Variants in SYTL5 observed in about 807,000 individuals in gnomAD.
The protein encoded by SYTL5 is synaptotagmin like 5.
Under a neutral mutation model 55.9 loss-of-function variants are expected in SYTL5, and 34 were observed. That is an observed-to-expected ratio of 0.61 (90% confidence interval 0.46 to 0.81). SYTL5 has a LOEUF of 0.81. SYTL5 is among the 30% of genes least tolerant of loss of function. The pLI, the probability that SYTL5 is intolerant of heterozygous loss-of-function variation, is 0.00. For missense variants in SYTL5, 637 were observed against 546.7 expected (o/e 1.17, Z -1.65); for synonymous variants, 221 against 188.7 (o/e 1.17, Z -1.40).
chrX:38,043,543 A>G (rs925325064), intron 2 of SYTL5, among the ~76,000 whole-genome samples: 21 of 104,487 alleles, frequency 2.0e-4, no homozygotes, highest in Non-Finnish European at 3.5e-4. Context: ...TTATTATAGA[A>G]AATTAGATAA....
chrX:38,014,180 A>AAC (rs761041786), intron 1 of SYTL5, among the ~76,000 whole-genome samples: 20 of 112,543 alleles, frequency 1.8e-4, no homozygotes, highest in Non-Finnish European at 3.0e-4. Flanking sequence ...TACAAAATTA[A>AAC]ACACACACAC....
At chrX:38,103,195 G>A (rs752414808) in intron 10 of SYTL5, 40 of 555,961 alleles carry the variant, frequency 7.2e-5, no homozygotes, top group African/African-American at 6.1e-4. Flanking sequence ...ATCTTTTTCC[G>A]ACTTATATAC....
chrX:38,056,180 A>AT (rs1935775420), intron 3 of SYTL5, among the ~76,000 whole-genome samples: 1 of 111,537 alleles, frequency 9.0e-6, no homozygotes, highest in African/African-American at 3.3e-5. Context: ...AATTGTTTTA[A>AT]TTTTTAGCTC....
the SYTL5 span, among the ~76,000 whole-genome samples, chrX:37,954,555 T>C: frequency 8.9e-6 from 1 of 112,102 alleles, no homozygotes; most frequent in Admixed American, 9.5e-5. Flanking sequence ...CATTCTGACA[T>C]GGTAATGGTA....
At position 38,072,121 on chromosome X, in the gene SYTL5, G is replaced by T. The variant is rs1240801316; in HGVS notation, c.404G>T (p.Gly135Val). 2 of 1,208,633 alleles carry T rather than the reference G, an allele frequency of 1.7e-6. No individual in the cohort carries two copies. Among genetic ancestry groups the T allele is most frequent in the African/African-American group, 1.7e-5 (1 of 57,150 alleles). ...AKRFKQVNVL[G>V]TDVVRQSILR... is the part of the protein sequence containing the mutation. ...CGTTTCAAGCAAGTCAATGTTCTCG[G>T]CACTGATGTTGTCCGACAGTCCATT... Residue 135 changes from glycine to valine, a missense_variant, in exon 4 of 17, where the codon GGC becomes GTC. Gly to Val is a moderately radical substitution (Grantham distance 109). Coordinates refer to ENST00000297875, the MANE Select transcript of SYTL5 (RefSeq NM_138780.3).
chrX:38,018,298 G>A (rs952453239), intron 1 of SYTL5, among the ~76,000 whole-genome samples: 1 of 111,531 alleles, frequency 9.0e-6, no homozygotes, highest in Non-Finnish European at 1.9e-5. Context: ...TGCTTCTCAT[G>A]ATTCTATCTT....
At chrX:38,036,161 C>T (rs762880008) in intron 2 of SYTL5, among the ~76,000 whole-genome samples, 4 of 109,154 alleles carry the variant, frequency 3.7e-5, no homozygotes, top group Admixed American at 9.8e-5. Flanking sequence ...CAAAAATTAG[C>T]GGGTCACAGT....
At chrX:38,004,226 G>A (rs771496913), upstream of SYTL5, among the ~76,000 whole-genome samples, 5 of 111,662 alleles carry the variant, frequency 4.5e-5, no homozygotes, top group South Asian at 1.9e-3. Context: ...TGTTTTGGTT[G>A]CCTGTGCTTG....
At chrX:38,017,922 C>T (rs962326526) in intron 1 of SYTL5, among the ~76,000 whole-genome samples, 9 of 109,497 alleles carry the variant, frequency 8.2e-5, no homozygotes, top group African/African-American at 1.3e-4. Flanking sequence ...GTCCAGGTGC[C>T]GGCGGTGATT....
chrX:38,103,430 TC>T (rs1937131327), intron 10 of SYTL5, among the ~76,000 whole-genome samples: 1 of 111,156 alleles, frequency 9.0e-6, no homozygotes, highest in African/African-American at 3.3e-5. Flanking sequence ...TGTCTTAGTT[TC>T]TCACAAGCCT....
At chrX:38,078,166 C>A (rs957116487) in intron 6 of SYTL5, among the ~76,000 whole-genome samples, 1 of 111,930 alleles carries the variant, frequency 8.9e-6, no homozygotes, top group Admixed American at 9.5e-5. Context: ...CCTCCTGGGA[C>A]TCCATGGATG....
At chrX:37,970,096 G>C in the SYTL5 span, among the ~76,000 whole-genome samples, 43 of 112,046 alleles carry the variant, frequency 3.8e-4, no homozygotes, top group South Asian at 0.014. Context: ...TTTTGTATTA[G>C]TGCATTTCCT....
the SYTL5 span, among the ~76,000 whole-genome samples, chrX:37,943,040 A>G: frequency 8.9e-6 from 1 of 111,903 alleles, no homozygotes; most frequent in African/African-American, 3.2e-5. Flanking sequence ...AAGTCAGTCA[A>G]GGCCCATCAT....
At chrX:38,074,901 C>T (rs947600844) in intron 5 of SYTL5, among the ~76,000 whole-genome samples, 1 of 94,768 alleles carries the variant, frequency 1.1e-5, no homozygotes, top group Admixed American at 1.2e-4. Context: ...TCTGACACCC[C>T]CTCAACACAC....
the SYTL5 span, among the ~76,000 whole-genome samples, chrX:37,918,679 A>G: frequency 9.0e-6 from 1 of 111,515 alleles, no homozygotes; most frequent in Non-Finnish European, 1.9e-5. Context: ...AAGTACCAGT[A>G]ATCACACTGC....
the SYTL5 span, among the ~76,000 whole-genome samples, chrX:37,983,593 G>A: frequency 8.9e-6 from 1 of 111,832 alleles, no homozygotes; most frequent in Non-Finnish European, 1.9e-5. Flanking sequence ...AGAGAAGTAG[G>A]TAGAACATAA....
chrX:38,110,201 T>C (rs1937323126), intron 12 of SYTL5, 120 bp from the exon 13 acceptor site: 3 of 446,640 alleles, frequency 6.7e-6, no homozygotes, highest in Admixed American at 9.3e-5. Flanking sequence ...TTCTTTGTGT[T>C]TGTTTTGTTC....
At chrX:38,000,734 A>G in the SYTL5 span, among the ~76,000 whole-genome samples, 4 of 112,065 alleles carry the variant, frequency 3.6e-5, no homozygotes, top group African/African-American at 1.3e-4. Context: ...GGCTTGGAGA[A>G]CGAGTGCGAG....
chrX:38,089,353 T>C (rs184954152), intron 6 of SYTL5, 93 bp from the exon 7 acceptor site: 1 of 1,000,606 alleles, frequency 1.0e-6, no homozygotes, highest in African/African-American at 1.9e-5. Context: ...GGTTCATATG[T>C]TCTTATCAGT....
Sources: allele counts gnomAD v4.1 joint callset (sites outside exome capture counted in the v4.1 genomes callset), GRCh38; gene constraint gnomAD v4.1.1; transcripts MANE v1.5; gene names NCBI Gene and HGNC (gene_info 2026-07-23, HGNC 2026-07-21).